Variants in ADAMTS3 observed in about 807,000 individuals in gnomAD.
ADAMTS3 encodes A disintegrin and metalloproteinase with thrombospondin motifs 3.
Under a neutral mutation model 129.0 loss-of-function variants are expected in ADAMTS3, and 73 were observed. The ratio of observed to expected loss-of-function variants is 0.57; its 90% CI spans 0.47 to 0.69. The LOEUF (loss-of-function observed/expected upper bound fraction) is 0.69. Ranked by LOEUF, ADAMTS3 falls within the 30% of genes least tolerant of loss-of-function variation. The pLI is 0.00. For synonymous variants in ADAMTS3, 477 were observed against 510.8 expected, an observed-to-expected ratio of 0.93 and a Z score of 0.89; for missense variants, 1,457 against 1,514.5, an observed-to-expected ratio of 0.96 and a Z score of 0.63.
intron 5 of ADAMTS3, 26 bp from the exon 6 acceptor site, chr4:72,323,123 A>T: frequency 6.4e-7 from 1 of 1,561,222 alleles, no homozygotes; most frequent in African/African-American, 1.4e-5. Flanking sequence ...GATAATTGCT[A>T]AAAGAAAGGA....
chr4:72,553,228 G>A (rs1721685788), intron 2 of ADAMTS3, among the ~76,000 whole-genome samples: 1 of 152,126 alleles, frequency 6.6e-6, no homozygotes, highest in Admixed American at 6.5e-5. Flanking sequence ...ATTTCTCACA[G>A]TTGCTGCTGC....
chr4:72,532,834 G>A, intron 3 of ADAMTS3, among the ~76,000 whole-genome samples: 1 of 152,174 alleles, frequency 6.6e-6, no homozygotes, highest in Non-Finnish European at 1.5e-5. Flanking sequence ...AAAAGAAATG[G>A]TAAAAATACG....
At chr4:72,454,687 A>G (rs1718495937) in intron 3 of ADAMTS3, among the ~76,000 whole-genome samples, 1 of 151,664 alleles carries the variant, frequency 6.6e-6, no homozygotes, top group South Asian at 2.1e-4. Context: ...GTTGAAGAAG[A>G]CCAGGAGAAG....
chr4:72,429,588 G>A (rs1722648415), intron 3 of ADAMTS3, among the ~76,000 whole-genome samples: 1 of 151,954 alleles, frequency 6.6e-6, no homozygotes, highest in East Asian at 1.9e-4. Context: ...CTGAGTTAAG[G>A]AGATTAGTGA....
intron 4 of ADAMTS3, among the ~76,000 whole-genome samples, chr4:72,368,723 C>T (rs1018717748): frequency 6.6e-6 from 1 of 152,162 alleles, no homozygotes; most frequent in African/African-American, 2.4e-5. Flanking sequence ...AGCCTAGAAA[C>T]ACATGTTTTA....
intron 11 of ADAMTS3, 38 bp downstream of exon 11, chr4:72,315,820 A>G: frequency 7.6e-7 from 1 of 1,317,440 alleles, no homozygotes. Context: ...ATTATGCAAC[A>G]TATCTTACAT....
intron 4 of ADAMTS3, among the ~76,000 whole-genome samples, chr4:72,392,076 C>T (rs976934688): frequency 6.6e-6 from 1 of 152,150 alleles, no homozygotes; most frequent in African/African-American, 2.4e-5. Flanking sequence ...ATCTTAAAAC[C>T]TAACATTTCC....
chr4:72,520,707 C>T (rs866251700), intron 3 of ADAMTS3, among the ~76,000 whole-genome samples: 15 of 152,178 alleles, frequency 9.9e-5, no homozygotes, highest in African/African-American at 2.4e-4. Flanking sequence ...GCACAGTATT[C>T]GGGTGGGATT....
At chr4:72,480,076 A>AACACTTTT (rs1719385361) in intron 3 of ADAMTS3, among the ~76,000 whole-genome samples, 1 of 152,190 alleles carries the variant, frequency 6.6e-6, no homozygotes. Context: ...GAGAAATAGG[A>AACACTTTT]ACACTTTTAC....
chr4:72,508,766 A>AC (rs1720232071), intron 3 of ADAMTS3, among the ~76,000 whole-genome samples: 1 of 152,072 alleles, frequency 6.6e-6, no homozygotes, highest in Non-Finnish European at 1.5e-5. Flanking sequence ...CCAAGACTTG[A>AC]TCTACACTAT....
At chr4:72,328,382 C>A (rs754675746) in intron 5 of ADAMTS3, among the ~76,000 whole-genome samples, 1 of 152,216 alleles carries the variant, frequency 6.6e-6, no homozygotes, top group Admixed American at 6.5e-5. Flanking sequence ...GCTGGCAGGA[C>A]AATCTGACCT....
intron 5 of ADAMTS3, among the ~76,000 whole-genome samples, chr4:72,325,958 C>G (rs115311592): frequency 8.7e-4 from 133 of 152,072 alleles, no homozygotes; most frequent in African/African-American, 3.1e-3. Flanking sequence ...GTACAATGGA[C>G]AAAATTATTA....
chr4:72,541,520 C>A (rs969341874), intron 3 of ADAMTS3, among the ~76,000 whole-genome samples: 2 of 152,230 alleles, frequency 1.3e-5, no homozygotes, highest in South Asian at 4.1e-4. Context: ...TGAGATTTGG[C>A]GGAGGCCAGG....
At chr4:72,326,646 C>A (rs115478924) in intron 5 of ADAMTS3, among the ~76,000 whole-genome samples, 1 of 151,948 alleles carries the variant, frequency 6.6e-6, no homozygotes, top group Non-Finnish European at 1.5e-5. Flanking sequence ...CAACTATACT[C>A]GGCAAAATAC....
At chr4:72,530,824 TAG>T (rs1174838247) in intron 3 of ADAMTS3, among the ~76,000 whole-genome samples, 3 of 112,878 alleles carry the variant, frequency 2.7e-5, no homozygotes, top group Non-Finnish European at 5.2e-5. Context: ...ATATATTATA[TAG>T]ATTATATATA....
In ADAMTS3 at chr4:72,373,054, G is replaced by A. The variant is rs556617889; in HGVS notation, c.662-33361C>T. ...TATTTATAGATTTAGCATAATCCCC[G>A]TTAAAATTGTGATAATTGTTCTTCT... On this transcript the variant is annotated intron_variant, in intron 4 of 21. Transcript: ENST00000286657. Among the ~76,000 whole-genome samples, 203 of 152,066 alleles carry A rather than the reference G, an allele frequency of 1.3e-3. 1 individual carries two copies. Among genetic ancestry groups the A allele is most frequent in the African/African-American group, 4.6e-3 (190 of 41,468 alleles).
chr4:72,568,718 C>G lies in ADAMTS3; in HGVS notation c.45G>C (p.Glu15Asp). Residue 15 changes from glutamate to aspartate, a missense_variant, in exon 1 of 22, where the codon GAG becomes GAC. Glu to Asp is a conservative substitution (Grantham distance 45). Transcript: ENST00000286657. Reference protein sequence around the residue: ...SLWLIAAALVEVRTSADGQAG... With the variant: ...SLWLIAAALVDVRTSADGQAG... ...CTTGTCCATCAGCTGAAGTCCTAAC[C>G]TCTACCAGAGCGGCTGCTATCAACC... 1 of 1,613,858 alleles carries G rather than the reference C, an allele frequency of 6.2e-7. No homozygotes were observed.
chr4:72,546,967 GT>G (rs1721483482), intron 3 of ADAMTS3, among the ~76,000 whole-genome samples: 2 of 152,156 alleles, frequency 1.3e-5, no homozygotes, highest in African/African-American at 4.8e-5. Context: ...CCAGAAGCAC[GT>G]CTTTAGTTAA....
At chr4:72,339,463 C>A in intron 5 of ADAMTS3, 31 bp downstream of exon 5, 1 of 1,606,844 alleles carries the variant, frequency 6.2e-7, no homozygotes, top group Admixed American at 1.7e-5. Context: ...ATTAAAAGAT[C>A]AAAAAGCTTT....
Sources: allele counts gnomAD v4.1 joint callset (sites outside exome capture counted in the v4.1 genomes callset), GRCh38; gene constraint gnomAD v4.1.1; transcripts MANE v1.5; gene names NCBI Gene and HGNC (gene_info 2026-07-23, HGNC 2026-07-21).